The following EYA2 variants were observed in gnomAD, a reference collection of about 807,000 sequenced individuals.
The protein encoded by EYA2 is protein phosphatase EYA2.
EYA2 carries 31 observed loss-of-function variants against 69.2 expected under a neutral mutation model. That is an observed-to-expected ratio of 0.45 (90% confidence interval 0.34 to 0.60). EYA2 has a LOEUF of 0.60. Among genes scored for constraint, EYA2 ranks in the 20% least tolerant of loss-of-function variants. The pLI is 0.02. For missense variants in EYA2, 622 were observed against 701.2 expected, an observed-to-expected ratio of 0.89 and a Z score of 1.28; for synonymous variants, 257 against 279.4, an observed-to-expected ratio of 0.92 and a Z score of 0.80.
At chr20:47,171,324 A>G (rs144070002) in intron 11 of EYA2, among the ~76,000 whole-genome samples, 264 of 152,330 alleles carry the variant, frequency 1.7e-3, no homozygotes, top group Admixed American at 2.7e-3. Flanking sequence ...TTATTCATTC[A>G]AGAAATATTT....
chr20:47,151,243 C>T (rs1350057235), intron 10 of EYA2, among the ~76,000 whole-genome samples: 2 of 151,936 alleles, frequency 1.3e-5, no homozygotes, highest in East Asian at 4.0e-4. Flanking sequence ...TCGTGGTGGG[C>T]ACCTGTAATC....
chr20:46,904,339 T>A (rs1277367374), intron 1 of EYA2, among the ~76,000 whole-genome samples: 1 of 146,340 alleles, frequency 6.8e-6, no homozygotes, highest in African/African-American at 2.5e-5. Flanking sequence ...GCACTGAACA[T>A]TAGTAAATTT....
intron 2 of EYA2, among the ~76,000 whole-genome samples, chr20:46,992,731 G>T (rs976905315): frequency 6.6e-6 from 1 of 152,182 alleles, no homozygotes; most frequent in African/African-American, 2.4e-5. Flanking sequence ...GAGGGTGGAA[G>T]CGATGAGGCA....
At chr20:47,169,102 T>C (rs768378255) in intron 10 of EYA2, 37 bp from the exon 11 acceptor site, 28 of 427,712 alleles carry the variant, frequency 6.5e-5, no homozygotes, top group Non-Finnish European at 8.7e-5. Context: ...CCAGGCATGT[T>C]CTCTCTCTCT....
intron 1 of EYA2, among the ~76,000 whole-genome samples, chr20:46,922,505 C>A (rs1985224263): frequency 1.3e-5 from 2 of 152,196 alleles, no homozygotes; most frequent in East Asian, 3.8e-4. Flanking sequence ...AGGCTTCCAT[C>A]TGAGACAATT....
chr20:47,097,221 C>G (rs2032275856), intron 9 of EYA2, 53 bp downstream of exon 9: 2 of 1,403,702 alleles, frequency 1.4e-6, no homozygotes. Flanking sequence ...ACGTTATTGT[C>G]CAGCCAGTTT....
At chr20:46,930,828 A>G (rs1308109807) in intron 1 of EYA2, among the ~76,000 whole-genome samples, 3 of 152,258 alleles carry the variant, frequency 2.0e-5, no homozygotes, top group Non-Finnish European at 4.4e-5. Context: ...GCACTGTGCC[A>G]GGAACCTTAT....
At chr20:46,970,931 G>A (rs1263343943) in intron 1 of EYA2, among the ~76,000 whole-genome samples, 3 of 97,818 alleles carry the variant, frequency 3.1e-5, no homozygotes, top group Non-Finnish European at 4.4e-5. Flanking sequence ...TATGGGGTTT[G>A]CTTCAAAATA....
At chr20:47,165,927 G>A (rs1363917507) in intron 10 of EYA2, among the ~76,000 whole-genome samples, 1 of 151,908 alleles carries the variant, frequency 6.6e-6, no homozygotes, top group Admixed American at 6.6e-5. Context: ...TTAATGAGGA[G>A]GCCTGTAATT....
At chr20:47,089,185 A>G in intron 7 of EYA2, 54 bp from the exon 8 acceptor site, 2 of 1,595,608 alleles carry the variant, frequency 1.3e-6, no homozygotes, top group Non-Finnish European at 1.7e-6. Flanking sequence ...ATTTCCCAGG[A>G]GGAGACACCC....
chr20:47,079,258 C>T (rs539664876), intron 7 of EYA2, among the ~76,000 whole-genome samples: 1 of 152,326 alleles, frequency 6.6e-6, no homozygotes, highest in African/African-American at 2.4e-5. Context: ...TTATTATGAC[C>T]TTTGTGTCTT....
intron 1 of EYA2, among the ~76,000 whole-genome samples, chr20:46,901,893 G>A (rs1021859398): frequency 1.3e-5 from 2 of 152,326 alleles, no homozygotes; most frequent in African/African-American, 4.8e-5. Context: ...TTCACCTCCG[G>A]TCTGCGATGG....
intron 4 of EYA2, among the ~76,000 whole-genome samples, chr20:47,006,859 T>G (rs60355170): frequency 0.019 from 2,852 of 152,292 alleles, 81 homozygotes; most frequent in African/African-American, 0.065. Flanking sequence ...CGTTACTCCC[T>G]TGAATTATCT....
chr20:46,966,831 A>G (rs1979817642), intron 1 of EYA2, among the ~76,000 whole-genome samples: 1 of 151,614 alleles, frequency 6.6e-6, no homozygotes, highest in South Asian at 2.1e-4. Context: ...AAAAACTGTG[A>G]AACAGTACAT....
chr20:47,136,442 G>T (rs2033476209), intron 9 of EYA2, among the ~76,000 whole-genome samples: 1 of 152,120 alleles, frequency 6.6e-6, no homozygotes, highest in African/African-American at 2.4e-5. Context: ...CGCCTACGTG[G>T]TGAAAGGCCC....
At chr20:47,161,940 TAAAC>T (rs2034076932) in intron 10 of EYA2, among the ~76,000 whole-genome samples, 1 of 152,152 alleles carries the variant, frequency 6.6e-6, no homozygotes, top group Non-Finnish European at 1.5e-5. Context: ...CTGGGTGCCT[TAAAC>T]AAGAGAAACT....
chr20:47,021,911 G>A (rs532265724), intron 5 of EYA2, among the ~76,000 whole-genome samples: 125 of 152,058 alleles, frequency 8.2e-4, no homozygotes, highest in African/African-American at 2.9e-3. Context: ...CCAGTAAACT[G>A]TGTGACCTTG....
intron 6 of EYA2, among the ~76,000 whole-genome samples, chr20:47,073,483 T>C (rs2031390732): frequency 7.8e-6 from 1 of 128,262 alleles, no homozygotes; most frequent in African/African-American, 3.3e-5. Context: ...TCTAGGTTTG[T>C]GTGTGTGTCG....
intron 5 of EYA2, among the ~76,000 whole-genome samples, chr20:47,022,549 A>G (rs993043007): frequency 6.6e-6 from 1 of 151,828 alleles, no homozygotes; most frequent in Non-Finnish European, 1.5e-5. Context: ...CCTTACCTCA[A>G]GTGATCCGCC....
Sources: allele counts gnomAD v4.1 joint callset (sites outside exome capture counted in the v4.1 genomes callset), GRCh38; gene constraint gnomAD v4.1.1; transcripts MANE v1.5; gene names NCBI Gene and HGNC (gene_info 2026-07-23, HGNC 2026-07-21).